Variants in NECAB3 observed in about 807,000 individuals in gnomAD.
NECAB3 encodes the protein N-terminal EF-hand calcium-binding protein 3.
In NECAB3, 38 loss-of-function variants were observed where a neutral mutation model predicts 57.2. The observed-to-expected ratio is 0.66, with a 90% CI of 0.51 to 0.87. The LOEUF (loss-of-function observed/expected upper bound fraction) is 0.87, where lower values mean the gene tolerates loss of function less well. NECAB3 is among the 40% of genes least tolerant of loss of function. The pLI is 0.00. For synonymous variants in NECAB3, 223 were observed against 222.6 expected (o/e 1.00, Z -0.02); for missense variants, 474 against 527.5 (o/e 0.90, Z 0.99).
chr20:33,658,908 G>T, intron 8 of NECAB3, 74 bp from the exon 9 acceptor site: 1 of 1,020,418 alleles, frequency 9.8e-7, no homozygotes, highest in Non-Finnish European at 1.5e-6. Context: ...CCTCCAGGAG[G>T]TTCTCAGCTG....
At chr20:33,662,665 C>T (rs1601157958) in intron 5 of NECAB3, 2 of 635,398 alleles carry the variant, frequency 3.1e-6, no homozygotes, top group African/African-American at 1.8e-5. Flanking sequence ...GGGGTCCTTT[C>T]AAGGTGGCTC....
In NECAB3 at chr20:33,657,266, A is replaced by G. The variant is rs1047017323; in HGVS notation, c.*563T>C. The G allele has an allele frequency of 6.5e-6, 1 of 153,334 alleles. No individual in the cohort carries two copies. Among genetic ancestry groups the G allele is most frequent in the South Asian group, 2.1e-4 (1 of 4,844 alleles). The allele number at this position is 153,334 out of a possible 1,614,324, so 9.5% of individuals were successfully genotyped here. The stretch of plus-strand genomic sequence containing the variant: ...AGGGCATGCAAACGATATGCAAATG[A>G]CATGCAAACCAACCCAGAGGCCTCT... On this transcript the variant is annotated 3_prime_UTR_variant, in exon 12 of 12. Coordinates refer to ENST00000246190, the MANE Select transcript of NECAB3 (RefSeq NM_031232.4).
Position 33,657,742 on chromosome 20 carries a change from C to T in NECAB3, c.*87G>A. On this transcript the variant is annotated 3_prime_UTR_variant, in exon 12 of 12. Coordinates refer to ENST00000246190, the MANE Select transcript of NECAB3 (RefSeq NM_031232.4). Reference sequence around the variant, plus strand: ...GCCCAAGTCCAGGAGGAGACAAGTCCTGGTCTTTGCGCTGGGCTGGCCAGT... The same window carrying T: ...GCCCAAGTCCAGGAGGAGACAAGTCTTGGTCTTTGCGCTGGGCTGGCCAGT... 4 of 1,400,790 alleles carry T rather than the reference C, an allele frequency of 2.9e-6. No individual in the cohort carries two copies. The highest frequency in any genetic ancestry group is 3.8e-6 in the Non-Finnish European group (4 of 1,053,146). The allele number at this position is 1,400,790 out of a possible 1,614,324, so 86.8% of individuals were successfully genotyped here.
At chr20:33,668,021 T>C in intron 5 of NECAB3, 1 of 1,542,676 alleles carries the variant, frequency 6.5e-7, no homozygotes, top group Non-Finnish European at 8.8e-7. Context: ...TTTCCTGGCT[T>C]CGCCGAGCGC....
At chr20:33,667,964 G>GGACACGCCTGGCA (rs2017728541) in intron 5 of NECAB3, 12 of 1,550,592 alleles carry the variant, frequency 7.7e-6, no homozygotes, top group Non-Finnish European at 1.0e-5. Flanking sequence ...AAAACGCTGC[G>GGACACGCCTGGCA]GACACGCCTG....
At chr20:33,667,600 G>C (rs763285000) in intron 5 of NECAB3, 65 of 1,582,494 alleles carry the variant, frequency 4.1e-5, no homozygotes, top group Non-Finnish European at 5.2e-5. Flanking sequence ...CATCTACGCG[G>C]GTCACTCGTG....
intron 5 of NECAB3, chr20:33,669,034 G>C (rs1156989632): frequency 3.3e-6 from 1 of 300,578 alleles, no homozygotes; most frequent in African/African-American, 2.2e-5. Context: ...CCACAGTTGT[G>C]ATGGGCCAGC....
chr20:33,663,717 G>A, intron 5 of NECAB3: 1 of 1,533,580 alleles, frequency 6.5e-7, no homozygotes, highest in East Asian at 2.4e-5. Flanking sequence ...GGCAAGAGGC[G>A]CGGCGGCCGG....
At chr20:33,668,429 C>T (rs2017749000) in intron 5 of NECAB3, 3 of 688,178 alleles carry the variant, frequency 4.4e-6, no homozygotes, top group African/African-American at 1.8e-5. Context: ...TTGAATCTCC[C>T]CAACCACTGC....
chr20:33,670,884 T>C (rs1220110263), intron 2 of NECAB3, 92 bp from the exon 3 acceptor site: 5 of 843,708 alleles, frequency 5.9e-6, no homozygotes, highest in East Asian at 2.6e-5. Flanking sequence ...AAAGGCCTCA[T>C]AGCATCTGAC....
At chr20:33,663,512 C>A (rs1202455385) in intron 5 of NECAB3, 1 of 1,601,936 alleles carries the variant, frequency 6.2e-7, no homozygotes, top group Middle Eastern at 1.8e-4. Context: ...TCCCGCCTCA[C>A]GCCCCTGTTC....
chr20:33,659,529 G>T lies in NECAB3; in HGVS notation c.847C>A (p.Arg283Ser). 6.5e-7 allele frequency: 1 copy of T among 1,532,032 alleles called. No individual in the cohort carries two copies. The highest frequency in any genetic ancestry group is 8.8e-7 in the Non-Finnish European group (1 of 1,134,536). 94.9% of individuals were successfully genotyped at this position (1,532,032 alleles called of 1,614,324 possible). A position where few individuals can be genotyped will look rare whatever the true frequency, so the allele number is the denominator to read the frequency against. ...PSQAPRLEPLREEDLAKGPDL... is the reference protein window; with the variant it reads ...PSQAPRLEPLSEEDLAKGPDL... ...GGCCCCTTGGCCAGGTCCTCTTCACGCAGGGGTTCCAGCCGGGGGGCCTGT... is the reference window on the plus strand; with the variant it reads ...GGCCCCTTGGCCAGGTCCTCTTCACTCAGGGGTTCCAGCCGGGGGGCCTGT... Residue 283 changes from arginine to serine, a missense_variant, in exon 8 of 12, where the codon CGT becomes AGT. By Grantham distance (110) the Arg-to-Ser change is moderately radical. Coordinates refer to ENST00000246190, the MANE Select transcript of NECAB3 (RefSeq NM_031232.4).
At chr20:33,667,806 G>C in intron 5 of NECAB3, 6 of 1,612,490 alleles carry the variant, frequency 3.7e-6, no homozygotes, top group South Asian at 3.3e-5. Flanking sequence ...GCCACCATCC[G>C]GCCAGTTTCA....
chr20:33,667,744 CG>C, intron 5 of NECAB3: 1 of 1,612,486 alleles, frequency 6.2e-7, no homozygotes, highest in Non-Finnish European at 8.5e-7. Context: ...TCTCAAGAAG[CG>C]CAGCTGCTAC....
intron 2 of NECAB3, 91 bp downstream of exon 2, chr20:33,672,307 T>C: frequency 6.6e-7 from 1 of 1,511,224 alleles, no homozygotes; most frequent in South Asian, 1.1e-5. Context: ...TCTCAACTCT[T>C]GACTTCCCAC....
chr20:33,672,691 G>T (rs2017853276), intron 1 of NECAB3, among the ~76,000 whole-genome samples: 1 of 152,156 alleles, frequency 6.6e-6, no homozygotes. Flanking sequence ...CCAGTCCCCT[G>T]CGTCCCCACC....
chr20:33,668,134 G>A (rs1364254022), intron 5 of NECAB3: 2 of 1,611,656 alleles, frequency 1.2e-6, no homozygotes, highest in Non-Finnish European at 1.7e-6. Context: ...GTGGACCGGC[G>A]GCTCCATGGT....
intron 5 of NECAB3, chr20:33,667,843 C>T (rs1387516654): frequency 1.2e-6 from 2 of 1,610,040 alleles, no homozygotes; most frequent in African/African-American, 2.7e-5. Context: ...CTGCGTCTGC[C>T]TCAGCAGTGA....
At chr20:33,668,221 G>C (rs370919410) in intron 5 of NECAB3, 14 of 1,595,736 alleles carry the variant, frequency 8.8e-6, no homozygotes, top group Admixed American at 1.7e-5. Context: ...GCTGCTGTAC[G>C]ATGTGTTCAA....
Sources: allele counts gnomAD v4.1 joint callset (sites outside exome capture counted in the v4.1 genomes callset), GRCh38; gene constraint gnomAD v4.1.1; transcripts MANE v1.5; gene names NCBI Gene and HGNC (gene_info 2026-07-23, HGNC 2026-07-21).